The following TENM3 variants were observed in gnomAD, a reference collection of about 807,000 sequenced individuals.
The protein encoded by TENM3 is teneurin-3.
TENM3 carries 63 observed loss-of-function variants against 255.1 expected under a neutral mutation model. That is an observed-to-expected ratio of 0.25 (90% CI 0.20 to 0.30). The LOEUF (loss-of-function observed/expected upper bound fraction) is 0.30, where lower values mean the gene tolerates loss of function less well. TENM3 is among the 10% of genes least tolerant of loss of function. TENM3 has a pLI of 1.00. For synonymous variants in TENM3, 1,306 were observed against 1,322.3 expected (o/e 0.99, Z 0.27); for missense variants, 2,929 against 3,461.1 (o/e 0.85, Z 3.86).
At chr4:182,670,095 G>A (rs1755072275) in intron 6 of TENM3, among the ~76,000 whole-genome samples, 2 of 152,134 alleles carry the variant, frequency 1.3e-5, no homozygotes, top group South Asian at 4.2e-4. Context: ...TAGCTAGAAA[G>A]CAAAATAATC....
the TENM3 span, among the ~76,000 whole-genome samples, chr4:181,930,590 A>C: frequency 6.6e-6 from 1 of 152,216 alleles, no homozygotes; most frequent in Non-Finnish European, 1.5e-5. Context: ...CCAGAGGTAC[A>C]AAGAGGAGCT....
chr4:181,472,782 G>T, the TENM3 span, among the ~76,000 whole-genome samples: 1 of 152,184 alleles, frequency 6.6e-6, no homozygotes, highest in Non-Finnish European at 1.5e-5. Flanking sequence ...CAGCCTGCCG[G>T]GTTAAACCTG....
chr4:181,484,798 G>A, the TENM3 span, among the ~76,000 whole-genome samples: 9 of 152,104 alleles, frequency 5.9e-5, no homozygotes, highest in African/African-American at 2.2e-4. Context: ...AAGGGAAAGA[G>A]GCGGTAATGA....
chr4:181,693,914 A>C, the TENM3 span, among the ~76,000 whole-genome samples: 7 of 152,166 alleles, frequency 4.6e-5, no homozygotes, highest in African/African-American at 1.7e-4. Flanking sequence ...CTCTTTTCAG[A>C]ATACAGATCT....
At chr4:181,822,550 TTATC>T in the TENM3 span, among the ~76,000 whole-genome samples, 17 of 152,220 alleles carry the variant, frequency 1.1e-4, no homozygotes, top group African/African-American at 3.6e-4. Context: ...AATAAAAGCT[TTATC>T]TATCAAACTA....
chr4:181,901,866 C>T, the TENM3 span, among the ~76,000 whole-genome samples: 24 of 152,116 alleles, frequency 1.6e-4, no homozygotes, highest in African/African-American at 5.8e-4. Flanking sequence ...CAAGTTTTCA[C>T]ATCCTTCATT....
chr4:182,228,548 G>A (rs2726819), intron 1 of TENM3, among the ~76,000 whole-genome samples: 6,385 of 151,372 alleles, frequency 0.042, 409 homozygotes, highest in African/African-American at 0.15. Flanking sequence ...AGGGTCTACC[G>A]GTTCAAAGAG....
At chr4:182,135,010 A>G in the TENM3 span, among the ~76,000 whole-genome samples, 1 of 151,920 alleles carries the variant, frequency 6.6e-6, no homozygotes, top group African/African-American at 2.4e-5. Context: ...GATTGAGACC[A>G]TCCTGGCCAA....
At chr4:181,836,442 A>AT in the TENM3 span, among the ~76,000 whole-genome samples, 1 of 152,260 alleles carries the variant, frequency 6.6e-6, no homozygotes, top group East Asian at 1.9e-4. Flanking sequence ...TGGGTCTTTC[A>AT]TTAACCTGGA....
At chr4:182,203,615 C>A (rs540622622) in intron 1 of TENM3, among the ~76,000 whole-genome samples, 1 of 152,310 alleles carries the variant, frequency 6.6e-6, no homozygotes, top group South Asian at 2.1e-4. Flanking sequence ...ACTCCCTTTC[C>A]CCCGCTTTGC....
At chr4:181,650,731 G>A in the TENM3 span, among the ~76,000 whole-genome samples, 4 of 152,182 alleles carry the variant, frequency 2.6e-5, no homozygotes, top group African/African-American at 4.8e-5. Flanking sequence ...AGCTACAGCA[G>A]TAGAATGAGG....
the TENM3 span, among the ~76,000 whole-genome samples, chr4:181,550,434 A>G: frequency 1.3e-5 from 2 of 152,208 alleles, no homozygotes. Context: ...TCTCTACCAA[A>G]AGAACTAAAT....
At chr4:182,466,661 G>A (rs1732625926) in intron 3 of TENM3, among the ~76,000 whole-genome samples, 1 of 151,878 alleles carries the variant, frequency 6.6e-6, no homozygotes, top group African/African-American at 2.4e-5. Context: ...TAAGAACCCT[G>A]TCTTTGGATT....
chr4:182,338,414 A>C (rs1259004684), intron 2 of TENM3, among the ~76,000 whole-genome samples: 2 of 152,202 alleles, frequency 1.3e-5, no homozygotes, highest in African/African-American at 4.8e-5. Context: ...CCAGATCTTC[A>C]AATATTTTCA....
intron 3 of TENM3, among the ~76,000 whole-genome samples, chr4:182,599,149 A>G (rs1747571426): frequency 6.6e-6 from 1 of 152,210 alleles, no homozygotes; most frequent in African/African-American, 2.4e-5. Flanking sequence ...TACCTTAAAG[A>G]CATCCATAGA....
the TENM3 span, among the ~76,000 whole-genome samples, chr4:182,069,746 G>T: frequency 6.6e-6 from 1 of 151,134 alleles, no homozygotes; most frequent in East Asian, 1.9e-4. Flanking sequence ...AGAGATCAGA[G>T]AATCAGGTCA....
chr4:182,450,721 A>T (rs1026330297), intron 3 of TENM3, among the ~76,000 whole-genome samples: 1 of 152,210 alleles, frequency 6.6e-6, no homozygotes, highest in Non-Finnish European at 1.5e-5. Flanking sequence ...GCTGTGAAAG[A>T]CTGAAATTAG....
chr4:181,978,401 C>A, the TENM3 span, among the ~76,000 whole-genome samples: 1 of 152,152 alleles, frequency 6.6e-6, no homozygotes, highest in Non-Finnish European at 1.5e-5. Context: ...ATAATCCCAG[C>A]ACTTTGGGAG....
chr4:182,731,508 TCAAAAAAAGACAAAAACAAAAC>T (rs1433533964), intron 16 of TENM3, among the ~76,000 whole-genome samples: 4 of 151,622 alleles, frequency 2.6e-5, no homozygotes, highest in African/African-American at 9.7e-5. Flanking sequence ...AGACCCTGTC[TCAAAAAAAGACAAAAACAAAAC>T]CAAAAAAACC....
Sources: gnomAD v4.1 joint callset for allele counts (sites outside exome capture counted in the v4.1 genomes callset) on GRCh38, gnomAD v4.1.1 for gene constraint, MANE v1.5 for transcripts, NCBI Gene and HGNC (gene_info 2026-07-23, HGNC 2026-07-21) for gene names.